TASP1: variants seen among roughly 807,000 people sequenced by gnomAD.
The protein encoded by TASP1 is taspase 1, also known as threonine aspartase 1.
In TASP1, 16 loss-of-function variants were observed where a neutral mutation model predicts 56.6. The observed-to-expected ratio is 0.28, with a 90% CI of 0.19 to 0.43. The LOEUF (loss-of-function observed/expected upper bound fraction) is 0.43. TASP1 is among the 20% of genes least tolerant of loss of function. The pLI, the probability that TASP1 is intolerant of heterozygous loss-of-function variation, is 1.00. For synonymous variants in TASP1, 179 were observed against 184.2 expected, an observed-to-expected ratio of 0.97 and a Z score of 0.23; for missense variants, 393 against 511.6, an observed-to-expected ratio of 0.77 and a Z score of 2.24.
At chr20:13,395,269 G>C (rs1452442101) in intron 13 of TASP1, among the ~76,000 whole-genome samples, 1 of 152,140 alleles carries the variant, frequency 6.6e-6, no homozygotes, top group Non-Finnish European at 1.5e-5. Flanking sequence ...AAAACACTAG[G>C]GTAAAGTTGT....
chr20:13,573,596 A>G (rs2046793274), intron 6 of TASP1, among the ~76,000 whole-genome samples: 1 of 152,242 alleles, frequency 6.6e-6, no homozygotes, highest in Admixed American at 6.5e-5. Flanking sequence ...GAGCTTATTT[A>G]CATGTGATCC....
At chr20:13,401,595 A>C (rs1452255981) in intron 13 of TASP1, among the ~76,000 whole-genome samples, 1 of 152,214 alleles carries the variant, frequency 6.6e-6, no homozygotes, top group Non-Finnish European at 1.5e-5. Context: ...AGAAACCAAT[A>C]TCTTTTCTCA....
chr20:13,381,085 G>A, the TASP1 span, among the ~76,000 whole-genome samples: 2 of 152,128 alleles, frequency 1.3e-5, no homozygotes, highest in Non-Finnish European at 1.5e-5. Flanking sequence ...GGGAGTGAAC[G>A]GTTCTGTCTC....
chr20:13,628,460 C>T (rs1568668962), intron 2 of TASP1, among the ~76,000 whole-genome samples: 1 of 152,172 alleles, frequency 6.6e-6, no homozygotes, highest in Non-Finnish European at 1.5e-5. Flanking sequence ...TGGATTATTT[C>T]TGTAAATTTA....
the TASP1 span, among the ~76,000 whole-genome samples, chr20:13,197,657 T>C: frequency 1.3e-5 from 2 of 152,208 alleles, no homozygotes; most frequent in Admixed American, 6.5e-5. Context: ...CTCTGTCCTG[T>C]ACAGAAAGCC....
chr20:13,602,996 C>T (rs538283594), intron 4 of TASP1, among the ~76,000 whole-genome samples: 4 of 151,762 alleles, frequency 2.6e-5, no homozygotes, highest in South Asian at 4.2e-4. Flanking sequence ...TTTGGGAGGC[C>T]GAGGCAGGTG....
rs386393360 is a variant in TASP1, at chr20:13,580,986, A to AT, written c.404-6_404-5insA. The AT allele has an allele frequency of 1.0e-5, 6 of 578,376 alleles. No individual in the cohort carries two copies. The South Asian group carries it at 1.1e-4, about 10-fold the overall frequency. 35.8% of individuals were successfully genotyped at this position (578,376 alleles called of 1,614,324 possible). A position where few individuals can be genotyped will look rare whatever the true frequency, so the allele number is the denominator to read the frequency against. ...CCGAGACTGGGTTCTTGATTCCTAT[A>AT]AAAAAAAAAAAAAAATTGGCAAAAA... On this transcript the variant is annotated splice_region_variant and splice_polypyrimidine_tract_variant and intron_variant, in intron 5 of 13. Coordinates refer to ENST00000337743, the MANE Select transcript of TASP1 (RefSeq NM_017714.3).
At chr20:13,259,077 G>A in the TASP1 span, among the ~76,000 whole-genome samples, 1 of 152,168 alleles carries the variant, frequency 6.6e-6, no homozygotes, top group African/African-American at 2.4e-5. Flanking sequence ...GAGGTCAGGA[G>A]TTCAAGACCA....
chr20:13,268,335 C>T, the TASP1 span, among the ~76,000 whole-genome samples: 55 of 146,580 alleles, frequency 3.8e-4, 1 homozygote, highest in Admixed American at 3.3e-3. Flanking sequence ...CTTTCTCCTT[C>T]TCCTTCTTCT....
the TASP1 span, among the ~76,000 whole-genome samples, chr20:13,278,855 G>A: frequency 6.6e-6 from 1 of 152,176 alleles, no homozygotes; most frequent in African/African-American, 2.4e-5. Context: ...TGGGCTGAGG[G>A]ACCTTGGTTC....
At chr20:13,134,180 T>C in the TASP1 span, among the ~76,000 whole-genome samples, 2 of 152,150 alleles carry the variant, frequency 1.3e-5, no homozygotes, top group African/African-American at 4.8e-5. Context: ...ATACATACTT[T>C]CCAGTTGAAT....
At chr20:13,433,286 G>A (rs2042876686) in intron 12 of TASP1, among the ~76,000 whole-genome samples, 1 of 152,030 alleles carries the variant, frequency 6.6e-6, no homozygotes. Flanking sequence ...CTTCATCCAT[G>A]TCCCTGCAAA....
the TASP1 span, among the ~76,000 whole-genome samples, chr20:13,324,065 A>C: frequency 6.2e-4 from 94 of 152,338 alleles, no homozygotes; most frequent in Non-Finnish European, 1.2e-3. Context: ...TAAGTCGAGA[A>C]GTATTTGCAG....
the TASP1 span, among the ~76,000 whole-genome samples, chr20:13,282,975 A>G: frequency 2.6e-5 from 4 of 152,200 alleles, no homozygotes; most frequent in Non-Finnish European, 5.9e-5. Flanking sequence ...TCTGGAATTC[A>G]TCTTTTCCGG....
At chr20:13,274,059 T>TTGTGTGTGTGTG in the TASP1 span, among the ~76,000 whole-genome samples, 16 of 150,824 alleles carry the variant, frequency 1.1e-4, no homozygotes, top group African/African-American at 3.9e-4. Context: ...TGGCGTGTAA[T>TTGTGTGTGTGTG]TGTGTGTGTG....
chr20:13,295,833 G>A, the TASP1 span, among the ~76,000 whole-genome samples: 2 of 152,216 alleles, frequency 1.3e-5, no homozygotes, highest in Non-Finnish European at 2.9e-5. Context: ...CAGCCAGGGG[G>A]TGGATGTTAA....
At chr20:13,458,818 A>T (rs1269583134) in intron 11 of TASP1, among the ~76,000 whole-genome samples, 2 of 152,184 alleles carry the variant, frequency 1.3e-5, no homozygotes, top group Non-Finnish European at 2.9e-5. Context: ...AAGCAGGTCA[A>T]CTTGCCAACA....
intron 12 of TASP1, among the ~76,000 whole-genome samples, 154 bp downstream of exon 12, chr20:13,434,890 C>T (rs976310590): frequency 6.6e-5 from 10 of 152,046 alleles, no homozygotes; most frequent in South Asian, 2.1e-4. Flanking sequence ...TGCTTATCTA[C>T]GGAAAAAGAT....
chr20:13,291,841 T>G, the TASP1 span, among the ~76,000 whole-genome samples: 3 of 152,206 alleles, frequency 2.0e-5, no homozygotes, highest in African/African-American at 4.8e-5. Flanking sequence ...CACTTCCCAC[T>G]TGCTGCTCTA....
Sources: allele counts gnomAD v4.1 joint callset (sites outside exome capture counted in the v4.1 genomes callset), GRCh38; gene constraint gnomAD v4.1.1; transcripts MANE v1.5; gene names NCBI Gene and HGNC (gene_info 2026-07-23, HGNC 2026-07-21).